Variants in PITPNC1 observed in about 807,000 individuals in gnomAD.
PITPNC1 encodes the protein cytoplasmic phosphatidylinositol transfer protein 1.
A neutral mutation model predicts 44.7 loss-of-function variants in PITPNC1; 18 were observed. That is an observed-to-expected ratio of 0.40 (90% CI 0.28 to 0.60). The LOEUF is 0.60. Among genes scored for constraint, PITPNC1 ranks in the 20% least tolerant of loss-of-function variants. The pLI, the probability that PITPNC1 is intolerant of heterozygous loss-of-function variation, is 0.39. For missense variants in PITPNC1, 290 were observed against 418.4 expected, an observed-to-expected ratio of 0.69 and a Z score of 2.68; for synonymous variants, 141 against 149.6, an observed-to-expected ratio of 0.94 and a Z score of 0.42.
chr17:67,553,102 G>C (rs78413952), intron 3 of PITPNC1: 3,677 of 152,298 alleles, frequency 0.024, 155 homozygotes, highest in Admixed American at 0.087. Flanking sequence ...CTTGCAATGC[G>C]ATGACAATAA....
Position 67,631,233 on chromosome 17 carries a change from C to T in PITPNC1, c.367-910C>T, listed in dbSNP as rs143109732. Among the ~76,000 whole-genome samples, 52 of 151,552 alleles carry T rather than the reference C, an allele frequency of 3.4e-4. No individual in the cohort carries two copies. The East Asian group carries it at 9.7e-3, about 28-fold the overall frequency. Reference sequence around the variant, plus strand: ...TGTGCCCTTAAATGATCAAGAAAAACAGGTGTGTTTCCCCTGGATAATGAG... The same window carrying T: ...TGTGCCCTTAAATGATCAAGAAAAATAGGTGTGTTTCCCCTGGATAATGAG... On this transcript the variant is annotated intron_variant, in intron 5 of 8. Transcript: ENST00000581322.
intron 4 of PITPNC1, among the ~76,000 whole-genome samples, chr17:67,565,425 A>G (rs898546553): frequency 6.5e-5 from 9 of 138,666 alleles, no homozygotes; most frequent in Admixed American, 5.9e-4. Context: ...GTAATTTTCC[A>G]TGGTTTTCGG....
chr17:67,613,292 G>C (rs1208491783), intron 5 of PITPNC1: 4 of 152,212 alleles, frequency 2.6e-5, no homozygotes, highest in African/African-American at 9.7e-5. Context: ...AAGTGGTAAA[G>C]GTAGAGATGA....
At chr17:67,545,210 G>A (rs1432339256) in intron 2 of PITPNC1, among the ~76,000 whole-genome samples, 1 of 152,150 alleles carries the variant, frequency 6.6e-6, no homozygotes, top group Non-Finnish European at 1.5e-5. Context: ...TACTCAGGAG[G>A]CTGAGGCAGG....
chr17:67,622,514 CTTTTTTTTTT>C (rs1254933576), intron 5 of PITPNC1, among the ~76,000 whole-genome samples: 1 of 118,976 alleles, frequency 8.4e-6, no homozygotes, highest in Non-Finnish European at 1.7e-5. Context: ...GTAGCCTGGA[CTTTTTTTTTT>C]TTTTTTTTTT....
chr17:67,512,878 C>T (rs1357846021), intron 1 of PITPNC1, among the ~76,000 whole-genome samples: 2 of 152,004 alleles, frequency 1.3e-5, no homozygotes, highest in African/African-American at 4.8e-5. Flanking sequence ...CTCGATCACT[C>T]ATTCATTGAG....
At chr17:67,614,333 A>T (rs2041729791) in intron 5 of PITPNC1, among the ~76,000 whole-genome samples, 1 of 152,102 alleles carries the variant, frequency 6.6e-6, no homozygotes, top group Non-Finnish European at 1.5e-5. Flanking sequence ...CAAAATAAAG[A>T]AGTAGTATGA....
chr17:67,498,992 C>T (rs1368324018), intron 1 of PITPNC1, among the ~76,000 whole-genome samples: 1 of 151,840 alleles, frequency 6.6e-6, no homozygotes, highest in Non-Finnish European at 1.5e-5. Context: ...TTGCCTCAGC[C>T]TCCAGAGTAG....
chr17:67,641,577 G>A (rs144038312), intron 6 of PITPNC1, among the ~76,000 whole-genome samples: 141 of 152,000 alleles, frequency 9.3e-4, no homozygotes, highest in African/African-American at 3.2e-3. Context: ...CAGGCAGATC[G>A]CTTAAGGTCA....
chr17:67,427,809 G>C (rs1310746164), intron 1 of PITPNC1, among the ~76,000 whole-genome samples: 2 of 152,154 alleles, frequency 1.3e-5, no homozygotes, highest in African/African-American at 4.8e-5. Context: ...TTACCTTTAA[G>C]ATGGGAGATT....
At chr17:67,500,340 T>C (rs138068745) in intron 1 of PITPNC1, among the ~76,000 whole-genome samples, 20 of 152,328 alleles carry the variant, frequency 1.3e-4, no homozygotes, top group African/African-American at 4.3e-4. Context: ...AATTCTGATA[T>C]ATGCTACAAC....
intron 2 of PITPNC1, among the ~76,000 whole-genome samples, chr17:67,538,362 G>A (rs1442572269): frequency 6.6e-6 from 1 of 152,174 alleles, no homozygotes; most frequent in African/African-American, 2.4e-5. Context: ...CAATTTGAGA[G>A]GCCAAGGAGG....
intron 1 of PITPNC1, among the ~76,000 whole-genome samples, chr17:67,424,230 G>T (rs2038711968): frequency 6.6e-6 from 1 of 152,106 alleles, no homozygotes; most frequent in Non-Finnish European, 1.5e-5. Flanking sequence ...TGGAGGGAGA[G>T]AATTTAAGAG....
chr17:67,480,998 G>C (rs1405970069), intron 1 of PITPNC1, among the ~76,000 whole-genome samples: 1 of 152,200 alleles, frequency 6.6e-6, no homozygotes, highest in African/African-American at 2.4e-5. Flanking sequence ...CCTGACATCA[G>C]GAGTTCGAGA....
chr17:67,537,479 TA>T (rs1178609894), intron 2 of PITPNC1, among the ~76,000 whole-genome samples: 6 of 152,146 alleles, frequency 3.9e-5, no homozygotes, highest in Non-Finnish European at 8.8e-5. Context: ...AGTTACCCAG[TA>T]ATCAGTCTAT....
intron 7 of PITPNC1, among the ~76,000 whole-genome samples, chr17:67,671,294 T>C (rs1424434917): frequency 1.3e-5 from 2 of 152,234 alleles, no homozygotes; most frequent in Non-Finnish European, 2.9e-5. Flanking sequence ...AATGCAATGT[T>C]GAGCATTGCC....
chr17:67,428,629 ATTC>A (rs2038807824), intron 1 of PITPNC1, among the ~76,000 whole-genome samples: 1 of 151,988 alleles, frequency 6.6e-6, no homozygotes, highest in Non-Finnish European at 1.5e-5. Flanking sequence ...GATTTTAAAC[ATTC>A]TTCTTGATAA....
chr17:67,483,878 C>A (rs1417537063), intron 1 of PITPNC1, among the ~76,000 whole-genome samples: 2 of 151,786 alleles, frequency 1.3e-5, no homozygotes, highest in Non-Finnish European at 2.9e-5. Context: ...GGTTGTCATG[C>A]AATAACCATT....
chr17:67,671,566 C>T (rs1055042834), intron 7 of PITPNC1, among the ~76,000 whole-genome samples: 5 of 152,176 alleles, frequency 3.3e-5, no homozygotes, highest in African/African-American at 9.7e-5. Context: ...CTGCCAGTCT[C>T]TTGAACCCTC....
Sources: gnomAD v4.1 joint callset for allele counts (sites outside exome capture counted in the v4.1 genomes callset) on GRCh38, gnomAD v4.1.1 for gene constraint, MANE v1.5 for transcripts, NCBI Gene and HGNC (gene_info 2026-07-23, HGNC 2026-07-21) for gene names.